Variants in SORCS3 observed in about 807,000 individuals in gnomAD.
SORCS3 encodes sortilin related VPS10 domain containing receptor 3.
Under a neutral mutation model 146.3 loss-of-function variants are expected in SORCS3, and 57 were observed. The observed-to-expected ratio is 0.39, with a 90% CI of 0.31 to 0.49. SORCS3 has a LOEUF of 0.49. SORCS3 is among the 20% of genes least tolerant of loss of function. The probability of loss-of-function intolerance (pLI) is 0.92; values close to 1 mark genes in which losing one functional copy is unlikely to be tolerated. For synonymous variants in SORCS3, 653 were observed against 618.5 expected (o/e 1.06, Z -0.83); for missense variants, 1,341 against 1,575.5 (o/e 0.85, Z 2.52).
At chr10:105,097,637 C>A (rs1302533180) in intron 6 of SORCS3, among the ~76,000 whole-genome samples, 1 of 152,144 alleles carries the variant, frequency 6.6e-6, no homozygotes, top group African/African-American at 2.4e-5. Flanking sequence ...TACTAACAAA[C>A]ATAAGAAGTA....
At chr10:104,975,572 T>C (rs2054890959) in intron 3 of SORCS3, among the ~76,000 whole-genome samples, 1 of 152,168 alleles carries the variant, frequency 6.6e-6, no homozygotes, top group Non-Finnish European at 1.5e-5. Flanking sequence ...TTAAAGTTCA[T>C]ATGGAGCCAA....
chr10:105,073,420 G>A (rs181919179), intron 5 of SORCS3, among the ~76,000 whole-genome samples: 195 of 152,322 alleles, frequency 1.3e-3, no homozygotes, highest in East Asian at 9.6e-4. Context: ...TGGTACACAC[G>A]TAGAGGATCT....
intron 12 of SORCS3, 69 bp downstream of exon 12, chr10:105,164,448 C>G: frequency 9.3e-7 from 1 of 1,074,638 alleles, no homozygotes; most frequent in Non-Finnish European, 1.4e-6. Context: ...TCTCTCCATC[C>G]TATAGATTCT....
chr10:104,876,202 T>C (rs2133571793), intron 2 of SORCS3, among the ~76,000 whole-genome samples: 1 of 152,280 alleles, frequency 6.6e-6, no homozygotes, highest in Non-Finnish European at 1.5e-5. Context: ...CTGAAAGAGA[T>C]TTATTCTAAG....
At chr10:105,044,686 G>GT (rs113560691) in intron 5 of SORCS3, among the ~76,000 whole-genome samples, 17,055 of 145,316 alleles carry the variant, frequency 0.12, 1,432 homozygotes, top group African/African-American at 0.25. Flanking sequence ...AAAATCAACT[G>GT]TTTTTTTTTT....
At chr10:105,005,444 T>G (rs1316598) in intron 4 of SORCS3, among the ~76,000 whole-genome samples, 10,612 of 152,204 alleles carry the variant, frequency 0.07, 461 homozygotes, top group African/African-American at 0.12. Flanking sequence ...AAAGCTTATA[T>G]TGGGGATTAG....
Position 104,761,217 on chromosome 10 carries a change from A to C in SORCS3, c.628-81575A>C, listed in dbSNP as rs181200083. Among the ~76,000 whole-genome samples the C allele has an allele frequency of 5.7e-3, 862 of 152,336 alleles. 2 individuals carry two copies. The highest frequency in any genetic ancestry group is 9.3e-3 in the Non-Finnish European group (634 of 68,032). ...TTTTTCTCCTTCCTAAGAGCAAGGT[A>C]GAAAATGACGAGCAAACAATGACAT... On this transcript the variant is annotated intron_variant, in intron 1 of 26. Coordinates refer to ENST00000369701, the MANE Select transcript of SORCS3 (RefSeq NM_014978.3).
At chr10:104,721,684 G>A (rs1221149953) in intron 1 of SORCS3, among the ~76,000 whole-genome samples, 1 of 152,010 alleles carries the variant, frequency 6.6e-6, no homozygotes, top group Non-Finnish European at 1.5e-5. Context: ...CCTTGAAGAG[G>A]TCCTTCACGT....
At chr10:104,757,834 A>G (rs1279722827) in intron 1 of SORCS3, among the ~76,000 whole-genome samples, 1 of 145,056 alleles carries the variant, frequency 6.9e-6, no homozygotes, top group Non-Finnish European at 1.5e-5. Flanking sequence ...TTGATTCTCT[A>G]CTTGCGGTTC....
intron 2 of SORCS3, among the ~76,000 whole-genome samples, chr10:104,857,114 A>G (rs2018343756): frequency 6.7e-6 from 1 of 149,226 alleles, no homozygotes; most frequent in South Asian, 2.1e-4. Flanking sequence ...ATGCTAGATA[A>G]GGAGTATAGT....
intron 13 of SORCS3, among the ~76,000 whole-genome samples, chr10:105,175,508 C>T (rs571731413): frequency 2.7e-4 from 41 of 152,268 alleles, no homozygotes; most frequent in Non-Finnish European, 3.8e-4. Context: ...TCTTACCTTC[C>T]GGACTTATTG....
intron 1 of SORCS3, among the ~76,000 whole-genome samples, chr10:104,721,495 T>G (rs1350823166): frequency 6.6e-6 from 1 of 151,490 alleles, no homozygotes; most frequent in African/African-American, 2.4e-5. Flanking sequence ...TTAAAGTAGT[T>G]TTTTCCAATT....
At chr10:104,760,567 T>C (rs1034955112) in intron 1 of SORCS3, among the ~76,000 whole-genome samples, 2 of 152,230 alleles carry the variant, frequency 1.3e-5, no homozygotes, top group African/African-American at 4.8e-5. Context: ...CTTTATATAC[T>C]ATTATAGTAC....
chr10:104,986,111 C>A (rs1384739397), intron 4 of SORCS3, among the ~76,000 whole-genome samples: 2 of 152,196 alleles, frequency 1.3e-5, no homozygotes, highest in Admixed American at 1.3e-4. Context: ...CAATAGAAGG[C>A]TGCTCATTGA....
At chr10:104,776,079 G>C (rs1287409518) in intron 1 of SORCS3, among the ~76,000 whole-genome samples, 2 of 152,170 alleles carry the variant, frequency 1.3e-5, no homozygotes, top group Non-Finnish European at 2.9e-5. Context: ...ATGTAGGCAA[G>C]TATACTCAGC....
At chr10:104,726,685 C>G (rs2016638955) in intron 1 of SORCS3, among the ~76,000 whole-genome samples, 1 of 152,036 alleles carries the variant, frequency 6.6e-6, no homozygotes, top group Non-Finnish European at 1.5e-5. Context: ...TTCAATAGCT[C>G]TCTGTTGTCA....
intron 1 of SORCS3, among the ~76,000 whole-genome samples, chr10:104,692,183 C>G (rs1358310207): frequency 6.6e-6 from 1 of 152,032 alleles, no homozygotes; most frequent in African/African-American, 2.4e-5. Context: ...CTCCTTCCTT[C>G]TCAGTTGGGG....
intron 5 of SORCS3, among the ~76,000 whole-genome samples, chr10:105,084,800 G>A (rs1048956452): frequency 2.0e-5 from 3 of 150,718 alleles, no homozygotes; most frequent in Non-Finnish European, 4.4e-5. Context: ...GCGCCATCTC[G>A]GCTCACTACA....
intron 7 of SORCS3, among the ~76,000 whole-genome samples, chr10:105,132,729 A>G (rs555966457): frequency 3.9e-5 from 6 of 152,222 alleles, no homozygotes; most frequent in East Asian, 1.9e-4. Flanking sequence ...CAGGAGCCCA[A>G]TTAAACCTGT....
Sources: gnomAD v4.1 joint callset for allele counts (sites outside exome capture counted in the v4.1 genomes callset) on GRCh38, gnomAD v4.1.1 for gene constraint, MANE v1.5 for transcripts, NCBI Gene and HGNC (gene_info 2026-07-23, HGNC 2026-07-21) for gene names.